XKR9: variants seen among roughly 807,000 people sequenced by gnomAD.
XKR9 encodes XK-related protein 9.
A neutral mutation model predicts 32.0 loss-of-function variants in XKR9; 32 were observed. That is an observed-to-expected ratio of 1.00 (90% CI 0.76 to 1.34). The LOEUF is 1.34. Ranked by LOEUF, XKR9 falls within the 40% of genes most tolerant of loss-of-function variation. The pLI, the probability that XKR9 is intolerant of heterozygous loss-of-function variation, is 0.00. For missense variants in XKR9, 546 were observed against 429.7 expected (o/e 1.27, Z -2.39); for synonymous variants, 168 against 143.4 (o/e 1.17, Z -1.22).
At position 70,716,951 on chromosome 8, in the gene XKR9, A is replaced by G. The variant is rs1762185820; in HGVS notation, c.493+9798A>G. On this transcript the variant is annotated intron_variant, in intron 4 of 4. Coordinates refer to ENST00000408926, the MANE Select transcript of XKR9 (RefSeq NM_001011720.2). ...AAATACACCCATTCCAAATGGGAGA[A>G]TTTGGCCAAAACAAAGGGGCAACAG... Among the ~76,000 whole-genome samples the G allele has an allele frequency of 2.6e-5, 4 of 152,276 alleles. No homozygotes were observed. In the South Asian group the frequency reaches 8.3e-4, roughly 32 times the overall value.
Position 70,694,712 on chromosome 8 carries a change from G to C in XKR9, c.273-12221G>C, listed in dbSNP as rs1173030171. ...CAATGCCGCTATTGGTAGCTGGCTA[G>C]AATTCCAAGTAAGTGGGTCTTAACT... On this transcript the variant is annotated intron_variant, in intron 3 of 4. Coordinates refer to ENST00000408926, the MANE Select transcript of XKR9 (RefSeq NM_001011720.2). Among the ~76,000 whole-genome samples the C allele has an allele frequency of 5.3e-5, 8 of 152,252 alleles. No individual in the cohort carries two copies. In the East Asian group the frequency reaches 1.5e-3, roughly 29 times the overall value.
the XKR9 span, among the ~76,000 whole-genome samples, chr8:70,972,481 G>A: frequency 2.0e-5 from 3 of 152,052 alleles, no homozygotes; most frequent in African/African-American, 7.2e-5. Context: ...GAGTGCTTTG[G>A]CTGGGACTTA....
chr8:70,805,476 A>C, the XKR9 span, among the ~76,000 whole-genome samples: 8 of 152,200 alleles, frequency 5.3e-5, no homozygotes, highest in African/African-American at 1.9e-4. Flanking sequence ...AGAAGCCAGC[A>C]CCGGGACTCA....
chr8:70,715,510 G>T lies in XKR9; in HGVS notation c.493+8357G>T, dbSNP rs141508172. On this transcript the variant is annotated intron_variant, in intron 4 of 4. Coordinates refer to ENST00000408926, the MANE Select transcript of XKR9 (RefSeq NM_001011720.2). ...ATCGTATTGATATATTAATCTTTGA[G>T]GTAACAATATTGATTAGCCTTAAAC... Among the ~76,000 whole-genome samples, 467 of 152,118 alleles carry T rather than the reference G, an allele frequency of 3.1e-3. 4 individuals carry two copies. The highest frequency in any genetic ancestry group is 0.011 in the African/African-American group (443 of 41,512).
the XKR9 span, among the ~76,000 whole-genome samples, chr8:71,006,657 C>T: frequency 6.6e-6 from 1 of 152,040 alleles, no homozygotes; most frequent in African/African-American, 2.4e-5. Flanking sequence ...CAAGCCAGTC[C>T]AAAAATGGCA....
At chr8:70,876,218 C>CTTTTTTT in the XKR9 span, among the ~76,000 whole-genome samples, 1 of 101,482 alleles carries the variant, frequency 9.9e-6, no homozygotes. Context: ...AAGATTCGTT[C>CTTTTTTT]TTTTTTTTTT....
chr8:70,820,776 C>A, the XKR9 span, among the ~76,000 whole-genome samples: 2 of 152,158 alleles, frequency 1.3e-5, no homozygotes, highest in African/African-American at 4.8e-5. Flanking sequence ...TGAGAACTCG[C>A]TCATTATCAC....
At chr8:70,872,085 G>T in the XKR9 span, among the ~76,000 whole-genome samples, 5 of 152,170 alleles carry the variant, frequency 3.3e-5, no homozygotes, top group Admixed American at 1.3e-4. Context: ...CAGCCAAATT[G>T]TGAATGCAAA....
chr8:70,736,473 T>C (rs912230107), downstream of XKR9, among the ~76,000 whole-genome samples: 15 of 152,356 alleles, frequency 9.8e-5, 1 homozygote, highest in South Asian at 2.5e-3. Flanking sequence ...TTATTTTAAT[T>C]AGATCCCATT....
chr8:70,814,691 G>A, the XKR9 span, among the ~76,000 whole-genome samples: 1 of 152,138 alleles, frequency 6.6e-6, no homozygotes, highest in Non-Finnish European at 1.5e-5. Flanking sequence ...ACAAGAGAAG[G>A]ATGCCTATTT....
the XKR9 span, among the ~76,000 whole-genome samples, chr8:70,802,165 T>C: frequency 5.9e-5 from 9 of 152,074 alleles, no homozygotes; most frequent in Non-Finnish European, 1.3e-4. Context: ...CTTGATCTCC[T>C]GACCTCGTGA....
chr8:71,065,276 G>A, the XKR9 span, among the ~76,000 whole-genome samples: 1 of 152,160 alleles, frequency 6.6e-6, no homozygotes, highest in Non-Finnish European at 1.5e-5. Flanking sequence ...TGAGGTAAGA[G>A]TGGGGTTCTA....
chr8:70,795,758 G>GCC, the XKR9 span, among the ~76,000 whole-genome samples: 5 of 151,366 alleles, frequency 3.3e-5, no homozygotes, highest in African/African-American at 1.2e-4. Context: ...TTTTTCATAC[G>GCC]GTTTTTGGCT....
the XKR9 span, among the ~76,000 whole-genome samples, chr8:70,950,560 G>C: frequency 2.6e-5 from 4 of 152,172 alleles, no homozygotes; most frequent in Non-Finnish European, 5.9e-5. Flanking sequence ...AGATCACACA[G>C]GGCTCGGAGG....
intron 2 of XKR9, among the ~76,000 whole-genome samples, chr8:70,772,165 A>G (rs1347843783): frequency 6.6e-6 from 1 of 152,188 alleles, no homozygotes; most frequent in Non-Finnish European, 1.5e-5. Context: ...TTTCTTTACT[A>G]GAATATAAAC....
intron 2 of XKR9, among the ~76,000 whole-genome samples, chr8:70,763,971 G>A (rs1044359283): frequency 7.2e-5 from 11 of 152,190 alleles, no homozygotes; most frequent in African/African-American, 2.7e-4. Flanking sequence ...AGTCCAACCT[G>A]TGTGACATGG....
chr8:71,054,524 A>G, the XKR9 span, among the ~76,000 whole-genome samples: 2 of 152,092 alleles, frequency 1.3e-5, no homozygotes, highest in East Asian at 3.9e-4. Context: ...CCAAAGCACC[A>G]CTTCTGTAAA....
chr8:70,964,379 T>G, the XKR9 span, among the ~76,000 whole-genome samples: 1 of 152,318 alleles, frequency 6.6e-6, no homozygotes, highest in East Asian at 1.9e-4. Flanking sequence ...CCTTGTAGTA[T>G]TGTTTGAAGA....
chr8:70,779,007 A>C (rs934869731), intron 2 of XKR9, among the ~76,000 whole-genome samples: 6 of 152,016 alleles, frequency 3.9e-5, no homozygotes, highest in Non-Finnish European at 5.9e-5. Context: ...TGGTGAGAGA[A>C]GGTGTCCTTG....
Sources: gnomAD v4.1 joint callset for allele counts (sites outside exome capture counted in the v4.1 genomes callset) on GRCh38, gnomAD v4.1.1 for gene constraint, MANE v1.5 for transcripts, NCBI Gene and HGNC (gene_info 2026-07-23, HGNC 2026-07-21) for gene names.